RPS6KA5: variants seen among roughly 807,000 people sequenced by gnomAD.
RPS6KA5 encodes ribosomal protein S6 kinase alpha-5.
Under a neutral mutation model 85.5 loss-of-function variants are expected in RPS6KA5, and 27 were observed. The observed-to-expected ratio is 0.32, with a 90% confidence interval of 0.23 to 0.44. RPS6KA5 has a LOEUF of 0.44. RPS6KA5 is among the 20% of genes least tolerant of loss of function. RPS6KA5 has a pLI of 1.00. For missense variants in RPS6KA5, 811 were observed against 980.9 expected (o/e 0.83, Z 2.31); for synonymous variants, 334 against 348.2 (o/e 0.96, Z 0.46).
intron 1 of RPS6KA5, among the ~76,000 whole-genome samples, chr14:91,029,874 C>T (rs561637307): frequency 6.6e-5 from 10 of 152,186 alleles, no homozygotes; most frequent in East Asian, 3.9e-4. Flanking sequence ...CCAATTTTAA[C>T]ATGGTAAAAA....
intron 2 of RPS6KA5, among the ~76,000 whole-genome samples, chr14:90,995,896 A>G (rs1314570921): frequency 6.6e-6 from 1 of 152,188 alleles, no homozygotes; most frequent in East Asian, 1.9e-4. Flanking sequence ...CCTGGGCAAC[A>G]TAACGAGACC....
At position 90,873,650 on chromosome 14, in the gene RPS6KA5, A is replaced by G; in HGVS notation, c.2142T>C (p.Cys714=). 1.2e-6 allele frequency: 2 copies of G among 1,613,900 alleles called. No homozygotes were observed. Among genetic ancestry groups the G allele is most frequent in the East Asian group, 4.5e-5 (2 of 44,880 alleles). ...GCCTTACGTGGAAGGTTGCTTTCAC[A>G]CAGGTATGCACGGCAGCTCCGGAAG... The part of the protein sequence containing the change: ...LGSSGAAVHT[C]VKATFHAFNK... Residue 714 remains cysteine (C), a synonymous_variant, in exon 16 of 17, where the codon TGT becomes TGC. Coordinates refer to ENST00000614987, the MANE Select transcript of RPS6KA5 (RefSeq NM_004755.4).
chr14:91,035,374 G>A (rs937526449), intron 1 of RPS6KA5, among the ~76,000 whole-genome samples: 28 of 152,090 alleles, frequency 1.8e-4, no homozygotes, highest in African/African-American at 5.8e-4. Flanking sequence ...AGGCTTATGG[G>A]ACACTAAAAA....
At chr14:90,987,735 T>C (rs1267335269) in intron 2 of RPS6KA5, among the ~76,000 whole-genome samples, 1 of 150,910 alleles carries the variant, frequency 6.6e-6, no homozygotes, top group Admixed American at 6.6e-5. Flanking sequence ...ACAAAGGATA[T>C]CCACATAAGG....
At chr14:90,969,311 C>T (rs2039216423) in intron 3 of RPS6KA5, among the ~76,000 whole-genome samples, 1 of 152,180 alleles carries the variant, frequency 6.6e-6, no homozygotes, top group African/African-American at 2.4e-5. Context: ...TAAGTACATA[C>T]TGTTGCACAG....
intron 3 of RPS6KA5, 138 bp from the exon 4 acceptor site, chr14:90,947,688 G>C (rs2037944497): frequency 1.8e-6 from 1 of 541,830 alleles, no homozygotes; most frequent in Admixed American, 3.4e-5. Context: ...ACAGTATCAT[G>C]TAGATAGAGT....
At chr14:90,961,007 T>C (rs1396622799) in intron 3 of RPS6KA5, among the ~76,000 whole-genome samples, 1 of 152,172 alleles carries the variant, frequency 6.6e-6, no homozygotes, top group Non-Finnish European at 1.5e-5. Flanking sequence ...AATAACCAGA[T>C]AGGCAGGGGA....
chr14:90,984,766 TAA>T (rs755997506), intron 2 of RPS6KA5, among the ~76,000 whole-genome samples: 1 of 152,236 alleles, frequency 6.6e-6, no homozygotes, highest in Non-Finnish European at 1.5e-5. Context: ...AAAGAAAAGT[TAA>T]AAATGACTGA....
At position 90,995,541 on chromosome 14, in the gene RPS6KA5, T is replaced by C. The variant is rs139861582; in HGVS notation, c.175+5547A>G. Among the ~76,000 whole-genome samples the C allele has an allele frequency of 5.3e-5, 8 of 152,250 alleles. No homozygotes were observed. The East Asian group carries it at 1.2e-3, about 22-fold the overall frequency. On this transcript the variant is annotated intron_variant, in intron 2 of 16. Transcript: ENST00000614987. ...TGCCTTAGAAGCTGTCTCCTATATA[T>C]GAAGTATGAAAATGGTAAACCCAAA...
chr14:90,961,589 C>T (rs1471460838), intron 3 of RPS6KA5, among the ~76,000 whole-genome samples: 1 of 152,048 alleles, frequency 6.6e-6, no homozygotes, highest in Non-Finnish European at 1.5e-5. Context: ...GTCTTACATG[C>T]TTTTTCCAGT....
chr14:90,901,472 T>C (rs969414262), intron 9 of RPS6KA5, among the ~76,000 whole-genome samples: 1 of 152,242 alleles, frequency 6.6e-6, no homozygotes, highest in Non-Finnish European at 1.5e-5. Context: ...TTGATTCTTA[T>C]TAATATCTTC....
At chr14:91,032,460 G>A (rs916321987) in intron 1 of RPS6KA5, among the ~76,000 whole-genome samples, 1 of 152,120 alleles carries the variant, frequency 6.6e-6, no homozygotes, top group Non-Finnish European at 1.5e-5. Context: ...AAACAAAGAT[G>A]ATGAAACAGT....
At chr14:90,917,593 T>G (rs2140282242) in intron 7 of RPS6KA5, among the ~76,000 whole-genome samples, 1 of 152,318 alleles carries the variant, frequency 6.6e-6, no homozygotes, top group South Asian at 2.1e-4. Context: ...CAACTGCTAT[T>G]CTGCTTTTTG....
In RPS6KA5 at chr14:90,930,368, T is replaced by A. The variant is rs2036911779; in HGVS notation, c.619-7172A>T. ...ACTTAAAAGGTAATTGGGTTATTTG[T>A]ATTAAAAATATAAAATATTTCCACC... On this transcript the variant is annotated intron_variant, in intron 5 of 16. Coordinates refer to ENST00000614987, the MANE Select transcript of RPS6KA5 (RefSeq NM_004755.4). Among the ~76,000 whole-genome samples, 3 of 152,194 alleles carry A rather than the reference T, an allele frequency of 2.0e-5. No homozygotes were observed. In the South Asian group the frequency reaches 6.2e-4, roughly 31 times the overall value.
intron 1 of RPS6KA5, among the ~76,000 whole-genome samples, chr14:91,033,064 G>C (rs1457916339): frequency 6.6e-6 from 1 of 151,986 alleles, no homozygotes; most frequent in Admixed American, 6.6e-5. Context: ...GTGGGCATCT[G>C]TAGACCCAGC....
intron 2 of RPS6KA5, among the ~76,000 whole-genome samples, chr14:90,996,772 A>G (rs2040540710): frequency 6.6e-6 from 1 of 152,216 alleles, no homozygotes; most frequent in Non-Finnish European, 1.5e-5. Context: ...TCAGGTAAAC[A>G]TTGCAAATAA....
intron 1 of RPS6KA5, among the ~76,000 whole-genome samples, chr14:91,055,418 T>C (rs545128755): frequency 1.3e-5 from 2 of 152,334 alleles, no homozygotes; most frequent in South Asian, 4.1e-4. Flanking sequence ...CAAAACTTGG[T>C]ATATCTATAC....
At chr14:90,986,955 C>T (rs918009953) in intron 2 of RPS6KA5, among the ~76,000 whole-genome samples, 2 of 152,314 alleles carry the variant, frequency 1.3e-5, no homozygotes, top group East Asian at 1.9e-4. Context: ...AATCCAAATC[C>T]ATGTCCCGGG....
intron 7 of RPS6KA5, among the ~76,000 whole-genome samples, chr14:90,913,394 G>T (rs1275321038): frequency 1.3e-5 from 2 of 152,166 alleles, no homozygotes; most frequent in African/African-American, 4.8e-5. Context: ...CAAAGATTTT[G>T]CTGAAAAGAG....
Sources: allele counts gnomAD v4.1 joint callset (sites outside exome capture counted in the v4.1 genomes callset), GRCh38; gene constraint gnomAD v4.1.1; transcripts MANE v1.5; gene names NCBI Gene and HGNC (gene_info 2026-07-23, HGNC 2026-07-21).